Variants in FAHD2A observed in about 807,000 individuals in gnomAD.
FAHD2A encodes oxaloacetate tautomerase FAHD2A, mitochondrial.
In FAHD2A, 27 loss-of-function variants were observed where a neutral mutation model predicts 33.4. The ratio of observed to expected loss-of-function variants is 0.81; its 90% CI spans 0.60 to 1.11. The LOEUF (loss-of-function observed/expected upper bound fraction) is 1.11, where lower values mean the gene tolerates loss of function less well. Among genes scored for constraint, FAHD2A ranks in the 50% most tolerant of loss-of-function variants. The pLI, the probability that FAHD2A is intolerant of heterozygous loss-of-function variation, is 0.00. For synonymous variants in FAHD2A, 130 were observed against 153.3 expected (o/e 0.85, Z 1.12); for missense variants, 296 against 395.0 (o/e 0.75, Z 2.12).
chr2:95,403,933 C>T (rs186178520), intron 1 of FAHD2A, among the ~76,000 whole-genome samples: 2 of 152,294 alleles, frequency 1.3e-5, no homozygotes, highest in South Asian at 2.1e-4. Flanking sequence ...GCTCGAACAG[C>T]CTTTTGACAG....
rs766400202 is a variant in FAHD2A at position 95,405,595 on chromosome 2, C to CT, written c.38dup (p.Leu14AlafsTer46). The CT allele has an allele frequency of 1.2e-6, 2 of 1,613,952 alleles. No individual in the cohort carries two copies. The highest frequency in any genetic ancestry group is 1.7e-6 in the Non-Finnish European group (2 of 1,179,850). On this transcript the variant is annotated frameshift_variant, in exon 2 of 8. Transcript: ENST00000233379. LOFTEE classifies it high-confidence loss of function. ...TGGTAGAAGAAGGTTACTCACAGTT[C>CT]TGCTGCAGGCTCAGAAGTGGCCCTT...
In FAHD2A at chr2:95,410,873, G is replaced by T. The variant is rs1458695317; in HGVS notation, c.532G>T (p.Ala178Ser). 19 of 1,613,864 alleles carry T rather than the reference G, an allele frequency of 1.2e-5. No homozygotes were observed. The highest frequency in any genetic ancestry group is 5.0e-5 in the Admixed American group (3 of 60,002). Residue 178 changes from alanine (A) to serine (S), a missense_variant, in exon 5 of 8, where the codon GCT becomes TCT. Ala to Ser is a moderately conservative substitution (Grantham distance 99, BLOSUM62 1). Transcript: ENST00000233379. Reference sequence around the variant, plus strand: ...TCCCCTGCCCCCATAGGCCACAGATGCTATGGCCCACGTGGCCGGCTTCAC... The same window carrying T: ...TCCCCTGCCCCCATAGGCCACAGATTCTATGGCCCACGTGGCCGGCTTCAC... ...KKGKHIKATD[A>S]MAHVAGFTVA... is the part of the protein sequence containing the mutation.
intron 3 of FAHD2A, among the ~76,000 whole-genome samples, chr2:95,408,919 T>C (rs1055482785): frequency 1.3e-5 from 2 of 152,242 alleles, no homozygotes; most frequent in Admixed American, 1.3e-4. Flanking sequence ...CTGGCCATAG[T>C]TTGCCAACTC....
rs1046493601 is a variant in FAHD2A at position 95,413,647 on chromosome 2, C to T, written c.*690C>T. 4.6e-5 allele frequency: 64 copies of T among 1,404,062 alleles called. No homozygotes were observed. The highest frequency in any genetic ancestry group is 5.9e-5 in the Non-Finnish European group (62 of 1,059,058). The allele number at this position is 1,404,062 out of a possible 1,614,324, so 87.0% of individuals were successfully genotyped here. ...TGGCCCAGGGGCCAGGCCTGTCCCC[C>T]AGAAACCTGCCTTGAGACCTCTGAC... On this transcript the variant is annotated 3_prime_UTR_variant, in exon 8 of 8. Transcript: ENST00000233379.
intron 1 of FAHD2A, among the ~76,000 whole-genome samples, chr2:95,403,290 C>T (rs1320085714): frequency 6.6e-6 from 1 of 152,270 alleles, no homozygotes; most frequent in Non-Finnish European, 1.5e-5. Flanking sequence ...TCAGTGTCCT[C>T]TTCTTTAAAG....
In FAHD2A at chr2:95,407,165, T is replaced by C. The variant is rs564386332; in HGVS notation, c.462+8T>C. On this transcript the variant is annotated splice_region_variant and intron_variant, in intron 3 of 7. Transcript: ENST00000233379. ...CTCCCACCACAGAGCCAGGTCAGTG[T>C]CTCCCCACTGCCCTCCCTAGTCACT... 790 of 1,611,094 alleles carry C rather than the reference T, an allele frequency of 4.9e-4. 2 individuals are homozygous for C. The highest frequency in any genetic ancestry group is 2.5e-3 in the Middle Eastern group (11 of 4,430).
chr2:95,410,626 A>G (rs1057163213), intron 4 of FAHD2A, 40 bp downstream of exon 4: 2 of 1,608,924 alleles, frequency 1.2e-6, no homozygotes, highest in African/African-American at 2.7e-5. Context: ...AGAGTGCAGC[A>G]GAGGCCCCAG....
chr2:95,410,749 C>T (rs1682346168), intron 4 of FAHD2A, 115 bp from the exon 5 acceptor site: 17 of 1,559,934 alleles, frequency 1.1e-5, no homozygotes, highest in Non-Finnish European at 1.5e-5. Context: ...CCTTCACCCA[C>T]CTTTGGCTGG....
chr2:95,409,429 C>T (rs1452566673), intron 3 of FAHD2A, among the ~76,000 whole-genome samples: 1 of 152,134 alleles, frequency 6.6e-6, no homozygotes, highest in Non-Finnish European at 1.5e-5. Context: ...CTGCCTCAGC[C>T]TCCTGAGTAG....
intron 2 of FAHD2A, among the ~76,000 whole-genome samples, chr2:95,406,199 AAGG>A (rs1184951835): frequency 7.7e-6 from 1 of 130,412 alleles, no homozygotes; most frequent in Non-Finnish European, 1.6e-5. Context: ...AGAGGACTGC[AAGG>A]AGGTTTTCTA....
At chr2:95,408,255 G>A (rs1254858146) in intron 3 of FAHD2A, among the ~76,000 whole-genome samples, 1 of 152,068 alleles carries the variant, frequency 6.6e-6, no homozygotes, top group Non-Finnish European at 1.5e-5. Context: ...CCAATCGGAA[G>A]TACTGCTGAC....
chr2:95,418,022 G>A (rs1419283513), downstream of FAHD2A, among the ~76,000 whole-genome samples: 1 of 152,078 alleles, frequency 6.6e-6, no homozygotes, highest in Non-Finnish European at 1.5e-5. Flanking sequence ...ATAGAATCGA[G>A]TGTAGATCAA....
chr2:95,404,715 A>T (rs548555788), intron 1 of FAHD2A, among the ~76,000 whole-genome samples: 1 of 152,346 alleles, frequency 6.6e-6, no homozygotes, highest in Non-Finnish European at 1.5e-5. Flanking sequence ...AGTCACTGAG[A>T]GCCTTCTGTG....
chr2:95,406,052 C>T (rs55702655), intron 2 of FAHD2A, among the ~76,000 whole-genome samples: 5,318 of 149,660 alleles, frequency 0.036, 87 homozygotes, highest in Non-Finnish European at 0.04. Flanking sequence ...GGTGCTGGAA[C>T]CAGGACTCTA....
chr2:95,410,885 G>A lies in FAHD2A; in HGVS notation c.544G>A (p.Val182Met), dbSNP rs1243892481. 17 of 1,613,858 alleles carry A rather than the reference G, an allele frequency of 1.1e-5. No homozygotes were observed. Among genetic ancestry groups the A allele is most frequent in the Non-Finnish European group, 1.4e-5 (16 of 1,179,862 alleles). ...ATAGGCCACAGATGCTATGGCCCAC[G>A]TGGCCGGCTTCACTGTGGCTCATGA... ...HIKATDAMAH[V>M]AGFTVAHDVS... Residue 182 changes from valine (V) to methionine (M), a missense_variant, in exon 5 of 8, where the codon GTG becomes ATG. By Grantham distance (21) the Val-to-Met change is conservative. Transcript: ENST00000233379.
In FAHD2A at chr2:95,413,243, T is replaced by C. The variant is rs1682820463; in HGVS notation, c.*286T>C. The C allele has an allele frequency of 1.6e-6, 2 of 1,224,926 alleles. No individual in the cohort carries two copies. Among genetic ancestry groups the C allele is most frequent in the Non-Finnish European group, 2.2e-6 (2 of 896,732 alleles). 75.9% of individuals were successfully genotyped at this position (1,224,926 alleles called of 1,614,324 possible). On this transcript the variant is annotated 3_prime_UTR_variant, in exon 8 of 8. Coordinates refer to ENST00000233379, the MANE Select transcript of FAHD2A (RefSeq NM_016044.3). ...AATACACACACATATGCCAAAAAGA[T>C]GCTGCTGGGCTGGGGAAAAGACAAT...
At chr2:95,408,254 A>G (rs1681938185) in intron 3 of FAHD2A, among the ~76,000 whole-genome samples, 2 of 152,178 alleles carry the variant, frequency 1.3e-5, no homozygotes, top group South Asian at 4.1e-4. Flanking sequence ...CCCAATCGGA[A>G]GTACTGCTGA....
At chr2:95,419,142 A>G (rs572433033), downstream of FAHD2A, among the ~76,000 whole-genome samples, 303 of 152,206 alleles carry the variant, frequency 2.0e-3, no homozygotes, top group Non-Finnish European at 3.4e-3. Flanking sequence ...TTTGTAAGCC[A>G]GGTCTCCAAG....
intron 1 of FAHD2A, 152 bp from the exon 2 acceptor site, chr2:95,405,401 A>G: frequency 8.8e-7 from 1 of 1,140,878 alleles, no homozygotes; most frequent in Non-Finnish European, 1.2e-6. Flanking sequence ...GAAGTATAGC[A>G]GGTAAAATAC....
Sources: gnomAD v4.1 joint callset for allele counts (sites outside exome capture counted in the v4.1 genomes callset) on GRCh38, gnomAD v4.1.1 for gene constraint, MANE v1.5 for transcripts, NCBI Gene and HGNC (gene_info 2026-07-23, HGNC 2026-07-21) for gene names.